MAPT: variants seen among roughly 807,000 people sequenced by gnomAD.
MAPT encodes microtubule associated protein tau.
A neutral mutation model predicts 67.9 loss-of-function variants in MAPT; 34 were observed. The observed-to-expected ratio is 0.50, with a 90% CI of 0.38 to 0.67. MAPT has a LOEUF of 0.67. MAPT is among the 30% of genes least tolerant of loss of function. The pLI is 0.00. For synonymous variants in MAPT, 456 were observed against 464.5 expected, an observed-to-expected ratio of 0.98 and a Z score of 0.23; for missense variants, 881 against 1,115.2, an observed-to-expected ratio of 0.79 and a Z score of 2.99.
rs528003020 is a variant in MAPT at position 45,956,334 on chromosome 17, C to A, written c.-17-5987C>A. 7.9e-5 allele frequency among the ~76,000 whole-genome samples: 12 copies of A among 152,176 alleles called. No individual in the cohort carries two copies. In the South Asian group the frequency reaches 2.3e-3, roughly 29 times the overall value. ...GGGGGCTTTGGGACTTGGTGATGAA[C>A]ACAGCACAGAGAGCTGTCCAGCATG... On this transcript the variant is annotated intron_variant, in intron 1 of 12. Transcript: ENST00000262410.
At position 45,989,931 on chromosome 17, in the gene MAPT, CA is replaced by C; in HGVS notation, c.1464del (p.Lys488AsnfsTer11). The C allele has an allele frequency of 6.2e-7, 1 of 1,614,208 alleles. No individual in the cohort carries two copies. Among genetic ancestry groups the C allele is most frequent in the Non-Finnish European group, 8.5e-7 (1 of 1,180,044 alleles). On this transcript the variant is annotated frameshift_variant, in exon 7 of 13. Coordinates refer to ENST00000262410, the MANE Select transcript of MAPT (RefSeq NM_001377265.1). LOFTEE classifies it high-confidence loss of function. ...TGAAAAATAGGCCTTGCCTTAGCCCCAAACACCCCACTCCTGGTAGCTCAGA... is the reference window on the plus strand; with the variant it reads ...TGAAAAATAGGCCTTGCCTTAGCCCCAACACCCCACTCCTGGTAGCTCAGA... ...TLKNRPCLSP[K>X]HPTPGSSDPL...
Position 45,995,681 on chromosome 17 carries a change from G to T in MAPT, c.1733-718G>T, listed in dbSNP as rs191552471. On this transcript the variant is annotated intron_variant, in intron 8 of 12. Transcript: ENST00000262410. This position sits in a 1 kb window ranked among gnomAD's most constrained non-coding sequence, Gnocchi z 4.3. ...CGCTAGTAACTGCTATGCATGGCAG[G>T]TGGGGAACTGTACGTCAGGGCACAG... is the stretch of plus-strand genomic sequence containing the variant. 6.6e-5 allele frequency among the ~76,000 whole-genome samples: 10 copies of T among 152,332 alleles called. No individual in the cohort carries two copies. Among genetic ancestry groups the T allele is most frequent in the Admixed American group, 5.2e-4 (8 of 15,298 alleles).
At chr17:46,009,027 G>A (rs923274265) in intron 9 of MAPT, among the ~76,000 whole-genome samples, 21 of 152,078 alleles carry the variant, frequency 1.4e-4, no homozygotes, top group African/African-American at 4.6e-4. Flanking sequence ...GCATGACCTC[G>A]TCTCTACAAA....
intron 8 of MAPT, among the ~76,000 whole-genome samples, chr17:45,993,727 A>T (rs1441205088): frequency 6.6e-6 from 1 of 152,082 alleles, no homozygotes; most frequent in Non-Finnish European, 1.5e-5. Flanking sequence ...AAACAACGTG[A>T]TGCATTTCCC....
intron 1 of MAPT, among the ~76,000 whole-genome samples, chr17:45,936,844 C>T (rs2144805329): frequency 6.6e-6 from 1 of 152,290 alleles, no homozygotes; most frequent in Non-Finnish European, 1.5e-5. Context: ...CAGGTGTGTT[C>T]CTGAACACCC....
rs768569432 is a variant in MAPT, at chr17:45,991,442, A to G, written c.1606-18A>G. The G allele has an allele frequency of 1.3e-5, 21 of 1,613,916 alleles. No homozygotes were observed. The highest frequency in any genetic ancestry group is 1.8e-5 in the Non-Finnish European group (21 of 1,180,008). On this transcript the variant is annotated intron_variant, in intron 7 of 12. Coordinates refer to ENST00000262410, the MANE Select transcript of MAPT (RefSeq NM_001377265.1). ...TTTCCCAATGGTGAAAAACCCCTCTATCATGTTTCATTTACAGGGGGCTGA... is the reference window on the plus strand; with the variant it reads ...TTTCCCAATGGTGAAAAACCCCTCTGTCATGTTTCATTTACAGGGGGCTGA...
intron 1 of MAPT, among the ~76,000 whole-genome samples, chr17:45,935,739 C>T (rs887580660): frequency 6.6e-6 from 1 of 152,112 alleles, no homozygotes; most frequent in African/African-American, 2.4e-5. Flanking sequence ...CTGATGATGG[C>T]CCTGTCACTC....
At chr17:45,985,897 C>G (rs2073491372) in intron 5 of MAPT, among the ~76,000 whole-genome samples, 1 of 152,210 alleles carries the variant, frequency 6.6e-6, no homozygotes, top group South Asian at 2.1e-4. Context: ...ATACTCATTG[C>G]TGGTCCCTCT....
At chr17:46,014,446 T>A in intron 11 of MAPT, 122 bp downstream of exon 11, 1 of 759,506 alleles carries the variant, frequency 1.3e-6, no homozygotes. Context: ...TAGACCTACA[T>A]CAAGGAAAGT....
chr17:45,924,906 A>G (rs2066133485), intron 1 of MAPT, among the ~76,000 whole-genome samples: 1 of 152,044 alleles, frequency 6.6e-6, no homozygotes, highest in South Asian at 2.1e-4. Context: ...GTATCTTCCA[A>G]GCTGCTTGGA....
rs142547614 is a variant in MAPT, at chr17:45,911,743, G to A, written c.-18+17057G>A. 5.8e-3 allele frequency among the ~76,000 whole-genome samples: 877 copies of A among 152,148 alleles called. 24 individuals carry two copies. Among genetic ancestry groups the A allele is most frequent in the Admixed American group, 0.05 (770 of 15,254 alleles). On this transcript the variant is annotated intron_variant, in intron 1 of 12. Transcript: ENST00000262410. ...GGCACCACTGCACTGCAGCCTGGGC[G>A]TCAGAACGAGACCTGCTCTCAAAAA... is the stretch of plus-strand genomic sequence containing the variant.
intron 2 of MAPT, among the ~76,000 whole-genome samples, chr17:45,968,396 C>T (rs1262532284): frequency 3.9e-5 from 6 of 152,146 alleles, no homozygotes; most frequent in African/African-American, 1.4e-4. Flanking sequence ...TTATCAGCCA[C>T]CCCTGTCTGC....
intron 1 of MAPT, among the ~76,000 whole-genome samples, chr17:45,941,632 CTCT>C (rs1568206910): frequency 1.7e-5 from 2 of 119,550 alleles, no homozygotes; most frequent in Non-Finnish European, 3.5e-5. Context: ...CCCTCCTTCC[CTCT>C]TTCCCTCCTT....
intron 1 of MAPT, among the ~76,000 whole-genome samples, chr17:45,947,952 C>G (rs1421462971): frequency 6.6e-6 from 1 of 152,094 alleles, no homozygotes; most frequent in African/African-American, 2.4e-5. Flanking sequence ...ACTCCCATTC[C>G]CTAGGGCTAA....
At chr17:45,918,164 A>ACAAAAACTG (rs1568159053) in intron 1 of MAPT, among the ~76,000 whole-genome samples, 1 of 152,120 alleles carries the variant, frequency 6.6e-6, no homozygotes, top group Non-Finnish European at 1.5e-5. Flanking sequence ...CACTATTAGC[A>ACAAAAACTG]CAAAAACTGC....
At chr17:46,022,017 A>T (rs1201680851) in intron 12 of MAPT, among the ~76,000 whole-genome samples, 1 of 152,240 alleles carries the variant, frequency 6.6e-6, no homozygotes, top group South Asian at 2.1e-4. Flanking sequence ...AAACATTAAC[A>T]TAAATATTTT....
chr17:45,917,039 G>T (rs961602804), intron 1 of MAPT, among the ~76,000 whole-genome samples: 8 of 152,218 alleles, frequency 5.3e-5, no homozygotes, highest in African/African-American at 1.9e-4. Flanking sequence ...TGAAGACTTG[G>T]CCTGTCAGAT....
chr17:45,951,732 A>G (rs1008330156), intron 1 of MAPT, among the ~76,000 whole-genome samples: 13 of 151,970 alleles, frequency 8.6e-5, no homozygotes, highest in African/African-American at 2.9e-4. Context: ...AACCACAGGG[A>G]CGGACTCAGG....
At chr17:45,941,825 T>C (rs1163410508) in intron 1 of MAPT, among the ~76,000 whole-genome samples, 2 of 151,770 alleles carry the variant, frequency 1.3e-5, no homozygotes, top group African/African-American at 4.9e-5. Context: ...TTCTGTTGGA[T>C]AATGGACATT....
Sources: gnomAD v4.1 joint callset for allele counts (sites outside exome capture counted in the v4.1 genomes callset) on GRCh38, gnomAD v4.1.1 for gene constraint, Gnocchi (gnomAD v3.1) non-coding constraint, MANE v1.5 for transcripts, NCBI Gene and HGNC (gene_info 2026-07-23, HGNC 2026-07-21) for gene names.